GALNT9: variants seen among roughly 807,000 people sequenced by gnomAD.
GALNT9 encodes polypeptide N-acetylgalactosaminyltransferase 9, also known as GalNAc transferase 9.
A neutral mutation model predicts 63.1 loss-of-function variants in GALNT9; 47 were observed. The observed-to-expected ratio is 0.75, with a 90% CI of 0.59 to 0.95. GALNT9 has a LOEUF of 0.95. GALNT9 is among the 40% of genes least tolerant of loss of function. The pLI is 0.00. For synonymous variants in GALNT9, 396 were observed against 365.7 expected (o/e 1.08, Z -0.94); for missense variants, 829 against 874.8 (o/e 0.95, Z 0.66).
intron 1 of GALNT9, among the ~76,000 whole-genome samples, chr12:132,289,672 G>T (rs995627731): frequency 6.6e-6 from 1 of 152,228 alleles, no homozygotes. Flanking sequence ...AGTGAGGGTT[G>T]CCAGGCCTCT....
chr12:132,250,412 A>G (rs978117686), intron 5 of GALNT9, among the ~76,000 whole-genome samples: 16 of 152,206 alleles, frequency 1.1e-4, no homozygotes, highest in Non-Finnish European at 4.4e-5. Context: ...AGAGGTGCCC[A>G]CTTTAGTGTG....
chr12:132,303,055 C>T (rs1012823271), intron 1 of GALNT9, among the ~76,000 whole-genome samples: 8 of 147,198 alleles, frequency 5.4e-5, no homozygotes, highest in East Asian at 1.9e-4. Context: ...ACATGGAAGA[C>T]GCGGTTTCCC....
chr12:132,253,421 G>A (rs1321324795), intron 5 of GALNT9, among the ~76,000 whole-genome samples: 5 of 151,676 alleles, frequency 3.3e-5, no homozygotes, highest in South Asian at 2.1e-4. Flanking sequence ...GCCCTCAAGC[G>A]GCCCTTATGC....
At chr12:132,248,163 T>C (rs1878787122) in intron 5 of GALNT9, 136 bp from the exon 6 acceptor site, 3 of 1,338,398 alleles carry the variant, frequency 2.2e-6, no homozygotes, top group African/African-American at 2.9e-5. Context: ...CTCAGGTCCC[T>C]GTGCTCAAGG....
rs937361932 is a variant in GALNT9, at chr12:132,217,120, C to T, written c.1078-13430G>A. Among the ~76,000 whole-genome samples, 12 of 152,254 alleles carry T rather than the reference C, an allele frequency of 7.9e-5. No homozygotes were observed. In the South Asian group the frequency reaches 1.7e-3, roughly 21 times the overall value. ...TAACTGATAGAATGACCCACTCATC[C>T]ACCCATTTACCCATCTACTCACTTA... is the stretch of plus-strand genomic sequence containing the variant. On this transcript the variant is annotated intron_variant, in intron 6 of 10. Coordinates refer to ENST00000328957, the MANE Select transcript of GALNT9 (RefSeq NM_001122636.2).
intron 1 of GALNT9, among the ~76,000 whole-genome samples, chr12:132,287,482 G>T (rs538752060): frequency 6.6e-6 from 1 of 152,308 alleles, no homozygotes; most frequent in South Asian, 2.1e-4. Context: ...CTACTCTGGG[G>T]TAGGAAGAAC....
rs1868494621 is a variant in GALNT9 at position 132,316,051 on chromosome 12, G to A, written c.238+12915C>T. ...CCGAAACGGCCGCCCACCCCCTCAC[G>A]CCTGCAGGTCTTGGGTTCCGTCATG... On this transcript the variant is annotated intron_variant, in intron 1 of 10. Coordinates refer to ENST00000328957, the MANE Select transcript of GALNT9 (RefSeq NM_001122636.2). This position sits in a 1 kb window ranked among gnomAD's most constrained non-coding sequence, Gnocchi z 4.3. Among the ~76,000 whole-genome samples, 1 of 152,098 alleles carries A rather than the reference G, an allele frequency of 6.6e-6. No individual in the cohort carries two copies. The highest frequency in any genetic ancestry group is 6.5e-5 in the Admixed American group (1 of 15,280).
intron 9 of GALNT9, among the ~76,000 whole-genome samples, chr12:132,198,895 T>C (rs1409404343): frequency 6.6e-6 from 1 of 152,266 alleles, no homozygotes; most frequent in Admixed American, 6.5e-5. Flanking sequence ...AAGTGATCTG[T>C]CTGCCTTGGC....
intron 6 of GALNT9, among the ~76,000 whole-genome samples, chr12:132,209,367 A>AAAAT (rs552671564): frequency 2.5e-4 from 36 of 143,184 alleles, no homozygotes; most frequent in African/African-American, 8.2e-4. Context: ...TTTACTAAAA[A>AAAAT]AAATAAATAA....
intron 1 of GALNT9, among the ~76,000 whole-genome samples, chr12:132,291,824 G>A (rs1880871653): frequency 6.6e-6 from 1 of 151,984 alleles, no homozygotes; most frequent in African/African-American, 2.4e-5. Flanking sequence ...ACCCTCAGTT[G>A]TCCATTCAGC....
At chr12:132,290,396 C>T (rs965167474) in intron 1 of GALNT9, among the ~76,000 whole-genome samples, 25 of 152,176 alleles carry the variant, frequency 1.6e-4, no homozygotes, top group Non-Finnish European at 1.6e-4. Flanking sequence ...GCCGTCCCAA[C>T]GCGCTGTGTC....
At chr12:132,325,874 C>T (rs1404766302) in intron 1 of GALNT9, among the ~76,000 whole-genome samples, 1 of 152,274 alleles carries the variant, frequency 6.6e-6, no homozygotes, top group Non-Finnish European at 1.5e-5. Context: ...TCCTGAGGGG[C>T]AGGAGGGCCA....
intron 1 of GALNT9, among the ~76,000 whole-genome samples, chr12:132,287,278 A>G (rs1358627740): frequency 6.6e-6 from 1 of 152,154 alleles, no homozygotes; most frequent in East Asian, 1.9e-4. Flanking sequence ...AGGATGCGGG[A>G]ACTCCGCTCA....
intron 6 of GALNT9, among the ~76,000 whole-genome samples, chr12:132,235,580 G>A (rs900525186): frequency 2.2e-4 from 33 of 152,250 alleles, no homozygotes; most frequent in Admixed American, 7.2e-4. Context: ...TGGAGTTGGG[G>A]AAGGGGGAGA....
intron 6 of GALNT9, among the ~76,000 whole-genome samples, chr12:132,227,302 G>T (rs1366368435): frequency 6.6e-6 from 1 of 152,070 alleles, no homozygotes; most frequent in Non-Finnish European, 1.5e-5. Flanking sequence ...GCATGGTGCC[G>T]TCCCCGAACG....
rs148597084 is a variant in GALNT9 at position 132,321,879 on chromosome 12, G to A, written c.238+7087C>T. Among the ~76,000 whole-genome samples, 1,519 of 152,028 alleles carry A rather than the reference G, an allele frequency of 1.0e-2. 17 individuals are homozygous for A. Among genetic ancestry groups the A allele is most frequent in the East Asian group, 0.036 (186 of 5,158 alleles). On this transcript the variant is annotated intron_variant, in intron 1 of 10. Transcript: ENST00000328957. ...GGAGGCCGGGAGTTGGATGTCAGGC[G>A]CGCAGGGCCACACTCCCTCTGAAGG...
intron 1 of GALNT9, among the ~76,000 whole-genome samples, chr12:132,304,243 A>G (rs191852171): frequency 6.2e-4 from 18 of 29,184 alleles, no homozygotes; most frequent in Non-Finnish European, 7.2e-4. Flanking sequence ...GCACACCCTC[A>G]CCCAGACACA....
intron 1 of GALNT9, among the ~76,000 whole-genome samples, chr12:132,325,055 C>A (rs556807289): frequency 2.2e-4 from 33 of 152,086 alleles, no homozygotes; most frequent in African/African-American, 7.7e-4. Context: ...TGAGATGCCA[C>A]CCCACTTCAG....
At position 132,268,772 on chromosome 12, in the gene GALNT9, G is replaced by C. The variant is rs369292057; in HGVS notation, c.420-6147C>G. 4.7e-4 allele frequency among the ~76,000 whole-genome samples: 71 copies of C among 152,330 alleles called. 1 individual carries two copies. In the South Asian group the frequency reaches 0.012, roughly 26 times the overall value. On this transcript the variant is annotated intron_variant, in intron 2 of 10. Transcript: ENST00000328957. ...AGACGCCCAAGCAGCCATCAAGCAC[G>C]TGCGCAGGTGCCCCCCTCGGCGGCC...
Sources: gnomAD v4.1 joint callset for allele counts (sites outside exome capture counted in the v4.1 genomes callset) on GRCh38, gnomAD v4.1.1 for gene constraint, Gnocchi (gnomAD v3.1) non-coding constraint, MANE v1.5 for transcripts, NCBI Gene and HGNC (gene_info 2026-07-23, HGNC 2026-07-21) for gene names.